The following LHFPL6 variants were observed in gnomAD, a reference collection of about 807,000 sequenced individuals.
LHFPL6 encodes LHFPL tetraspan subfamily member 6 protein.
Under a neutral mutation model 20.6 loss-of-function variants are expected in LHFPL6, and 9 were observed. The ratio of observed to expected loss-of-function variants is 0.44; its 90% CI spans 0.26 to 0.76. The LOEUF (loss-of-function observed/expected upper bound fraction) is 0.76. LHFPL6 is among the 30% of genes least tolerant of loss of function. The pLI is 0.20. For synonymous variants in LHFPL6, 105 were observed against 98.7 expected (o/e 1.06, Z -0.38); for missense variants, 218 against 253.5 (o/e 0.86, Z 0.95).
intron 2 of LHFPL6, among the ~76,000 whole-genome samples, chr13:39,565,854 C>T (rs1871697118): frequency 6.6e-6 from 1 of 152,202 alleles, no homozygotes; most frequent in African/African-American, 2.4e-5. Flanking sequence ...TTCCAACCCA[C>T]TGTACGTGGG....
chr13:39,556,197 C>T (rs1158050104), intron 2 of LHFPL6, among the ~76,000 whole-genome samples: 3 of 152,152 alleles, frequency 2.0e-5, no homozygotes, highest in Non-Finnish European at 2.9e-5. Flanking sequence ...TATAGCCATA[C>T]AAGAACAGAC....
chr13:39,569,186 G>T (rs536477774), intron 2 of LHFPL6, among the ~76,000 whole-genome samples: 10 of 73,098 alleles, frequency 1.4e-4, no homozygotes, highest in Admixed American at 1.3e-3. Context: ...TGGATGGATG[G>T]ATGGATTGAT....
rs1870546907 is a variant in LHFPL6 at position 39,534,106 on chromosome 13, G to A, written c.385+66726C>T. ...AAATGATGTTTTTCAATGATGACAA[G>A]TAAAAAACAAGAGATAAGTTTTTTA... On this transcript the variant is annotated intron_variant, in intron 2 of 3. Coordinates refer to ENST00000379589, the MANE Select transcript of LHFPL6 (RefSeq NM_005780.3). Among the ~76,000 whole-genome samples the A allele has an allele frequency of 2.0e-5, 3 of 152,086 alleles. No homozygotes were observed. In the South Asian group the frequency reaches 6.2e-4, roughly 31 times the overall value.
chr13:39,370,330 C>T (rs1870133846), intron 3 of LHFPL6, among the ~76,000 whole-genome samples: 1 of 152,124 alleles, frequency 6.6e-6, no homozygotes, highest in African/African-American at 2.4e-5. Context: ...TGATTCTGTG[C>T]TAGAGCTCTG....
At chr13:39,490,806 G>C (rs1868900669) in intron 2 of LHFPL6, among the ~76,000 whole-genome samples, 1 of 152,104 alleles carries the variant, frequency 6.6e-6, no homozygotes, top group Non-Finnish European at 1.5e-5. Flanking sequence ...TTTGGCTTTG[G>C]GATTTTTCTA....
At chr13:39,541,908 T>G (rs976056863) in intron 2 of LHFPL6, among the ~76,000 whole-genome samples, 2 of 151,386 alleles carry the variant, frequency 1.3e-5, no homozygotes, top group African/African-American at 4.9e-5. Flanking sequence ...GCTAACACAG[T>G]GAAACCCCGT....
chr13:39,459,194 ATGTGTGTGTG>A (rs58955444), intron 2 of LHFPL6, among the ~76,000 whole-genome samples: 6,553 of 136,026 alleles, frequency 0.048, 233 homozygotes, highest in East Asian at 0.14. Context: ...AAGTTCCTTA[ATGTGTGTGTG>A]TGTGTGTGTG....
intron 2 of LHFPL6, among the ~76,000 whole-genome samples, chr13:39,521,295 T>C (rs1231163570): frequency 1.3e-5 from 2 of 152,204 alleles, no homozygotes; most frequent in African/African-American, 4.8e-5. Context: ...ACAATACCTA[T>C]GTGATCTTTC....
chr13:39,565,423 A>G (rs890490309), intron 2 of LHFPL6, among the ~76,000 whole-genome samples: 12 of 152,210 alleles, frequency 7.9e-5, no homozygotes, highest in African/African-American at 2.2e-4. Flanking sequence ...TCCAACTTCA[A>G]TTTTGGTGCT....
rs182464040 is a variant in LHFPL6 at position 39,400,550 on chromosome 13, G to A, written c.386-22024C>T. Among the ~76,000 whole-genome samples the A allele has an allele frequency of 7.3e-3, 1,117 of 152,042 alleles. 17 individuals carry two copies. The highest frequency in any genetic ancestry group is 0.03 in the Admixed American group (454 of 15,276). On this transcript the variant is annotated intron_variant, in intron 2 of 3. Coordinates refer to ENST00000379589, the MANE Select transcript of LHFPL6 (RefSeq NM_005780.3). ...TGTAATCCCAGCACTTTGGGAGGCCGAGGCGGGCGGATCACGAGGTCAGGA... is the reference window on the plus strand; with the variant it reads ...TGTAATCCCAGCACTTTGGGAGGCCAAGGCGGGCGGATCACGAGGTCAGGA...
intron 2 of LHFPL6, among the ~76,000 whole-genome samples, chr13:39,571,860 T>C (rs1871926776): frequency 6.6e-6 from 1 of 152,232 alleles, no homozygotes; most frequent in South Asian, 2.1e-4. Context: ...CCACGGGCCC[T>C]GCATGGAGCT....
intron 2 of LHFPL6, among the ~76,000 whole-genome samples, chr13:39,393,521 C>T (rs890955796): frequency 2.0e-5 from 3 of 152,076 alleles, no homozygotes; most frequent in African/African-American, 7.2e-5. Context: ...AGAGAACAGG[C>T]TGGGAGATGG....
intron 2 of LHFPL6, among the ~76,000 whole-genome samples, chr13:39,487,420 C>T (rs2138450422): frequency 6.6e-6 from 1 of 152,276 alleles, no homozygotes; most frequent in East Asian, 1.9e-4. Flanking sequence ...TCCTAAGTGA[C>T]CTTGGCTAAA....
chr13:39,538,153 C>A (rs1870685059), intron 2 of LHFPL6, among the ~76,000 whole-genome samples: 1 of 151,700 alleles, frequency 6.6e-6, no homozygotes, highest in Non-Finnish European at 1.5e-5. Flanking sequence ...CCACAGCTGG[C>A]TAATTTTTGT....
chr13:39,396,604 C>T (rs1752055), intron 2 of LHFPL6, among the ~76,000 whole-genome samples: 7,708 of 151,844 alleles, frequency 0.051, 193 homozygotes, highest in Middle Eastern at 0.071. Flanking sequence ...AAGACCGGCC[C>T]GGGCAACATG....
chr13:39,574,944 G>A (rs759830077), intron 2 of LHFPL6, among the ~76,000 whole-genome samples: 10 of 152,182 alleles, frequency 6.6e-5, no homozygotes, highest in Middle Eastern at 3.4e-3. Flanking sequence ...GGTGGTGCAC[G>A]CCGGTAATCC....
chr13:39,558,801 T>A (rs561586469), intron 2 of LHFPL6, among the ~76,000 whole-genome samples: 15 of 152,362 alleles, frequency 9.8e-5, no homozygotes, highest in Middle Eastern at 3.4e-3. Flanking sequence ...AAGGGAAATC[T>A]ATCATTTTCT....
chr13:39,603,089 A>AGCGGAGACCCCCACTCCCGGCGAGTCC lies in LHFPL6; in HGVS notation c.-408_-382dup, dbSNP rs1249834594. Reference sequence around the variant, plus strand: ...GGGTCTCCAGAAGCGGGCTGGCACCAGCGGAGACCCCCACTCCCGGCGAGT... The same window carrying AGCGGAGACCCCCACTCCCGGCGAGTCC: ...GGGTCTCCAGAAGCGGGCTGGCACCAGCGGAGACCCCCACTCCCGGCGAGTCCGCGGAGACCCCCACTCCCGGCGAGT... On this transcript the variant is annotated 5_prime_UTR_variant, in exon 1 of 4. Coordinates refer to ENST00000379589, the MANE Select transcript of LHFPL6 (RefSeq NM_005780.3). The AGCGGAGACCCCCACTCCCGGCGAGTCC allele has an allele frequency of 5.9e-5, 9 of 152,376 alleles. No individual in the cohort carries two copies. Among genetic ancestry groups the AGCGGAGACCCCCACTCCCGGCGAGTCC allele is most frequent in the Non-Finnish European group, 1.0e-4 (7 of 68,102 alleles). 9.4% of individuals were successfully genotyped at this position (152,376 alleles called of 1,614,324 possible).
chr13:39,524,266 C>T (rs1019110650), intron 2 of LHFPL6, among the ~76,000 whole-genome samples: 4 of 150,562 alleles, frequency 2.7e-5, no homozygotes, highest in Admixed American at 2.6e-4. Context: ...TCAGTGTAAG[C>T]ATGGTTTAAT....
Sources: allele counts gnomAD v4.1 joint callset (sites outside exome capture counted in the v4.1 genomes callset), GRCh38; gene constraint gnomAD v4.1.1; transcripts MANE v1.5; gene names NCBI Gene and HGNC (gene_info 2026-07-23, HGNC 2026-07-21).